The following SNX8 variants were observed in gnomAD, a reference collection of about 807,000 sequenced individuals.
SNX8 encodes the protein sorting nexin 8, also known as sorting nexin-8.
Under a neutral mutation model 51.6 loss-of-function variants are expected in SNX8, and 25 were observed. The ratio of observed to expected loss-of-function variants is 0.48; its 90% CI spans 0.35 to 0.68. The LOEUF (loss-of-function observed/expected upper bound fraction) is 0.68, where lower values mean the gene tolerates loss of function less well. SNX8 is among the 30% of genes least tolerant of loss of function. The pLI is 0.00. For missense variants in SNX8, 695 were observed against 624.0 expected (o/e 1.11, Z -1.21); for synonymous variants, 324 against 277.0 (o/e 1.17, Z -1.68).
intron 1 of SNX8, chr7:2,309,870 G>GC (rs1485376968): frequency 4.2e-6 from 2 of 471,118 alleles, no homozygotes; most frequent in Non-Finnish European, 8.8e-6. Context: ...AGTCGCCCAG[G>GC]CAAGAGGGGA....
Position 2,254,912 on chromosome 7 carries a change from C to T in SNX8, c.*144G>A, listed in dbSNP as rs1008184926. On this transcript the variant is annotated 3_prime_UTR_variant, in exon 11 of 11. Transcript: ENST00000222990. ...TGGTCCACGGATGCGCCTCCCGACC[C>T]GCAGGCGTGAGCTCCTCTGCTCCAG... is the stretch of plus-strand genomic sequence containing the variant. 11 of 667,260 alleles carry T rather than the reference C, an allele frequency of 1.6e-5. No homozygotes were observed. In the African/African-American group the frequency reaches 1.8e-4, roughly 11 times the overall value. The allele number at this position is 667,260 out of a possible 1,614,324, so 41.3% of individuals were successfully genotyped here.
intron 1 of SNX8, among the ~76,000 whole-genome samples, chr7:2,337,662 C>G (rs1232278803): frequency 6.6e-6 from 1 of 151,894 alleles, no homozygotes; most frequent in Non-Finnish European, 1.5e-5. Context: ...AACGTATAAT[C>G]TGAAATGCAA....
At chr7:2,350,652 A>ATTTTT (rs55673011) in intron 1 of SNX8, among the ~76,000 whole-genome samples, 1 of 147,212 alleles carries the variant, frequency 6.8e-6, no homozygotes, top group African/African-American at 2.5e-5. Flanking sequence ...TCTAAAAACA[A>ATTTTT]TTTTTTTTTT....
chr7:2,290,612 C>A (rs921126672), intron 1 of SNX8, among the ~76,000 whole-genome samples: 1 of 152,168 alleles, frequency 6.6e-6, no homozygotes, highest in Non-Finnish European at 1.5e-5. Flanking sequence ...AGCAAGAAAG[C>A]CATATAACTT....
intron 1 of SNX8, among the ~76,000 whole-genome samples, chr7:2,281,836 GGTGTAAGGATGC>G (rs1053102277): frequency 6.6e-6 from 1 of 152,112 alleles, no homozygotes; most frequent in Non-Finnish European, 1.5e-5. Context: ...CCGTGCGGTG[GGTGTAAGGATGC>G]CCTCACCCCT....
At chr7:2,295,084 C>T (rs905294475) in intron 1 of SNX8, among the ~76,000 whole-genome samples, 2 of 152,054 alleles carry the variant, frequency 1.3e-5, no homozygotes, top group African/African-American at 4.8e-5. Context: ...CCATCCACCT[C>T]ACTGTTTGGT....
At chr7:2,262,033 T>C (rs1250997498) in intron 7 of SNX8, among the ~76,000 whole-genome samples, 1 of 152,114 alleles carries the variant, frequency 6.6e-6, no homozygotes. Context: ...CATTCACAAC[T>C]ATGTCCACTT....
At chr7:2,344,249 A>T (rs901950723) in intron 1 of SNX8, among the ~76,000 whole-genome samples, 2 of 151,854 alleles carry the variant, frequency 1.3e-5, no homozygotes, top group Admixed American at 1.3e-4. Flanking sequence ...TGGGAGGCCA[A>T]GGTGGGAAGA....
chr7:2,295,670 G>C (rs775063909), intron 1 of SNX8, among the ~76,000 whole-genome samples: 24 of 149,542 alleles, frequency 1.6e-4, no homozygotes, highest in Non-Finnish European at 2.7e-4. Context: ...TCTTTGCCTT[G>C]GCCTATGTCC....
In SNX8 at chr7:2,302,033, G is replaced by C. The variant is rs547333179; in HGVS notation, c.94+12295C>G. Reference sequence around the variant, plus strand: ...CGAGGCAGGCAGATCACCAGGTCAAGAGATCGAGACCATCCTGGCTAACAC... The same window carrying C: ...CGAGGCAGGCAGATCACCAGGTCAACAGATCGAGACCATCCTGGCTAACAC... On this transcript the variant is annotated intron_variant, in intron 1 of 10. Transcript: ENST00000222990. Among the ~76,000 whole-genome samples, 6 of 152,050 alleles carry C rather than the reference G, an allele frequency of 3.9e-5. No individual in the cohort carries two copies. In the South Asian group the frequency reaches 1.2e-3, roughly 32 times the overall value.
chr7:2,302,478 T>C (rs1294103165), intron 1 of SNX8, among the ~76,000 whole-genome samples: 1 of 152,220 alleles, frequency 6.6e-6, no homozygotes, highest in African/African-American at 2.4e-5. Flanking sequence ...GCCGCCTGCC[T>C]TGGCCTCCCA....
intron 1 of SNX8, among the ~76,000 whole-genome samples, chr7:2,285,953 G>A (rs1283269781): frequency 6.6e-6 from 1 of 151,892 alleles, no homozygotes; most frequent in East Asian, 1.9e-4. Flanking sequence ...AAAGTGCTGG[G>A]ATTACAGGCG....
At chr7:2,318,468 G>A (rs918545964), upstream of SNX8, among the ~76,000 whole-genome samples, 1 of 148,610 alleles carries the variant, frequency 6.7e-6, no homozygotes, top group Non-Finnish European at 1.5e-5. Context: ...AGCTTGCAGT[G>A]AGCCAAGATC....
At chr7:2,319,429 G>A (rs998550789), upstream of SNX8, among the ~76,000 whole-genome samples, 4 of 152,210 alleles carry the variant, frequency 2.6e-5, no homozygotes, top group Admixed American at 1.3e-4. Context: ...GGAGGCAGAG[G>A]TGGGCGCATC....
rs894002352 is a variant in SNX8 at position 2,255,030 on chromosome 7, A to G, written c.*26T>C. On this transcript the variant is annotated 3_prime_UTR_variant, in exon 11 of 11. Transcript: ENST00000222990. ...TGGAAAGAGGTTTTAGTGCGGCCGC[A>G]GGGAGCACCACCTCAGCCTCAGGCG... The G allele has an allele frequency of 2.0e-5, 29 of 1,446,390 alleles. No homozygotes were observed. The African/African-American group carries it at 2.7e-4, about 13-fold the overall frequency. 89.6% of individuals were successfully genotyped at this position (1,446,390 alleles called of 1,614,324 possible).
chr7:2,345,848 C>G (rs1264195916), intron 1 of SNX8, among the ~76,000 whole-genome samples: 1 of 152,004 alleles, frequency 6.6e-6, no homozygotes, highest in Non-Finnish European at 1.5e-5. Context: ...ACTCTTGTTG[C>G]CCAGGCTGAA....
At chr7:2,283,326 C>T (rs1317846061) in intron 1 of SNX8, among the ~76,000 whole-genome samples, 1 of 152,180 alleles carries the variant, frequency 6.6e-6, no homozygotes, top group Non-Finnish European at 1.5e-5. Context: ...AAGCCCGCCC[C>T]GGACTGGCCC....
intron 5 of SNX8, among the ~76,000 whole-genome samples, chr7:2,267,950 G>A (rs1404083047): frequency 3.8e-5 from 5 of 131,124 alleles, no homozygotes; most frequent in South Asian, 5.2e-4. Flanking sequence ...TGTGGGGAGC[G>A]CCTCTGCCCC....
intron 1 of SNX8, among the ~76,000 whole-genome samples, chr7:2,341,644 C>G (rs1230297582): frequency 6.6e-6 from 1 of 152,090 alleles, no homozygotes; most frequent in Non-Finnish European, 1.5e-5. Flanking sequence ...TTCACTCCAA[C>G]CTGGGTGATA....
Sources: allele counts gnomAD v4.1 joint callset (sites outside exome capture counted in the v4.1 genomes callset), GRCh38; gene constraint gnomAD v4.1.1; transcripts MANE v1.5; gene names NCBI Gene and HGNC (gene_info 2026-07-23, HGNC 2026-07-21).